ADH1B: variants seen among roughly 807,000 people sequenced by gnomAD.
ADH1B encodes the protein all-trans-retinol dehydrogenase [NAD(+)] ADH1B.
A neutral mutation model predicts 34.6 loss-of-function variants in ADH1B; 29 were observed. That is an observed-to-expected ratio of 0.84 (90% CI 0.62 to 1.14). The LOEUF (loss-of-function observed/expected upper bound fraction) is 1.14, where lower values mean the gene tolerates loss of function less well. Among genes scored for constraint, ADH1B ranks in the 50% most tolerant of loss-of-function variants. The pLI is 0.00. For missense variants in ADH1B, 424 were observed against 468.4 expected (o/e 0.91, Z 0.87); for synonymous variants, 170 against 175.5 (o/e 0.97, Z 0.25).
chr4:99,311,508 C>G lies in ADH1B; in HGVS notation c.964+13G>C. ...GATTAATGAGAATTTGGCACTTGAG[C>G]CCAACTACATACCACCATAAACAGC... On this transcript the variant is annotated intron_variant, in intron 7 of 8. Transcript: ENST00000305046. 6 of 1,610,378 alleles carry G rather than the reference C, an allele frequency of 3.7e-6. No homozygotes were observed. The highest frequency in any genetic ancestry group is 2.5e-6 in the Non-Finnish European group (3 of 1,178,196).
intron 1 of ADH1B, among the ~76,000 whole-genome samples, 187 bp downstream of exon 1, chr4:99,321,127 C>A (rs1734015309): frequency 6.6e-6 from 1 of 152,088 alleles, no homozygotes; most frequent in African/African-American, 2.4e-5. Flanking sequence ...GTTAAAGGTA[C>A]TTAAGAATAG....
intron 6 of ADH1B, 40 bp from the exon 7 acceptor site, chr4:99,311,696 C>T (rs536006663): frequency 2.2e-5 from 35 of 1,608,302 alleles, no homozygotes; most frequent in African/African-American, 1.9e-4. Flanking sequence ...AACGTGGAGT[C>T]GCATAGTTCC....
rs751116415 is a variant in ADH1B at position 99,315,894 on chromosome 4, T to A, written c.567+4A>T. On this transcript the variant is annotated splice_donor_region_variant and intron_variant, in intron 5 of 8. Transcript: ENST00000305046. The stretch of plus-strand genomic sequence containing the variant: ...GCAGTTTTATCACCCATTGTCATTC[T>A]CACCTTGGCAACGTTAACTGCAGAC... The A allele has an allele frequency of 2.8e-5, 45 of 1,614,042 alleles. 2 individuals carry two copies. In the South Asian group the frequency reaches 4.7e-4, roughly 17 times the overall value.
chr4:99,305,558 A>AGTGTGTGT lies in ADH1B; in HGVS notation c.*2281_*2282insACACACAC, dbSNP rs200643778. ...TAACTATATGAACCACTTGCCCCAT[A>AGTGTGTGT]GTGTATATATATATATATATATATA... On this transcript the variant is annotated 3_prime_UTR_variant, in exon 9 of 9. Coordinates refer to ENST00000305046, the MANE Select transcript of ADH1B (RefSeq NM_000668.6). 5.7e-5 allele frequency: 3 copies of AGTGTGTGT among 52,644 alleles called. No individual in the cohort carries two copies. Among genetic ancestry groups the AGTGTGTGT allele is most frequent in the African/African-American group, 2.1e-4 (2 of 9,338 alleles). The allele number at this position is 52,644 out of a possible 1,614,324, so 3.3% of individuals were successfully genotyped here.
chr4:99,317,193 A>G (rs1021370678), intron 3 of ADH1B: 1 of 152,174 alleles, frequency 6.6e-6, no homozygotes, highest in Non-Finnish European at 1.5e-5. Flanking sequence ...TTAAAATTAA[A>G]CATAATTTTT....
chr4:99,317,981 C>T, intron 3 of ADH1B, 65 bp downstream of exon 3: 2 of 1,597,038 alleles, frequency 1.3e-6, no homozygotes, highest in Non-Finnish European at 1.7e-6. Flanking sequence ...GCCTTGGTTT[C>T]CTTATCCAGG....
At position 99,316,095 on chromosome 4, in the gene ADH1B, G is replaced by A. The variant is rs758837020; in HGVS notation, c.370C>T (p.Leu124=). 1 of 1,614,136 alleles carries A rather than the reference G, an allele frequency of 6.2e-7. No homozygotes were observed. The highest frequency in any genetic ancestry group is 8.5e-7 in the Non-Finnish European group (1 of 1,180,020). Residue 124 remains leucine, a synonymous_variant, in exon 5 of 9, where the codon CTG becomes TTG. Coordinates refer to ENST00000305046, the MANE Select transcript of ADH1B (RefSeq NM_000668.6). Reference sequence around the variant, plus strand: ...GTGAACCTCCTGGTGCCATCCTGCAGGGTCCCCCGAGGATTGCCTAGACTG... The same window carrying A: ...GTGAACCTCCTGGTGCCATCCTGCAAGGTCCCCCGAGGATTGCCTAGACTG... ...KNDLGNPRGT[L]QDGTRRFTCR...
At chr4:99,312,679 G>A (rs536352165) in intron 6 of ADH1B, among the ~76,000 whole-genome samples, 83 of 152,300 alleles carry the variant, frequency 5.4e-4, no homozygotes, top group Non-Finnish European at 8.1e-4. Context: ...ATTGGAAATA[G>A]TATTTCATAT....
chr4:99,318,634 T>C, intron 2 of ADH1B, 151 bp downstream of exon 2: 1 of 760,504 alleles, frequency 1.3e-6, no homozygotes, highest in East Asian at 2.8e-5. Flanking sequence ...TTAAAATTTA[T>C]ATTTATACCT....
At chr4:99,315,741 C>G (rs1733864518) in intron 5 of ADH1B, 157 bp downstream of exon 5, 3 of 818,754 alleles carry the variant, frequency 3.7e-6, no homozygotes, top group Admixed American at 5.8e-5. Flanking sequence ...GGTGAAATTT[C>G]TAGCATGTGT....
chr4:99,310,330 C>G, intron 8 of ADH1B: 2 of 458,950 alleles, frequency 4.4e-6, no homozygotes, highest in South Asian at 1.6e-5. Context: ...TCCACCTACT[C>G]CTGTAATGAA....
rs1428140432 is a variant in ADH1B, at chr4:99,305,583, A to G, written c.*2257T>C. ...AGTGTATATATATATATATATATAT[A>G]TATATATATATATATATATATATAT... On this transcript the variant is annotated 3_prime_UTR_variant, in exon 9 of 9. Transcript: ENST00000305046. 1.4e-4 allele frequency: 13 copies of G among 93,616 alleles called. 1 individual carries two copies. Among genetic ancestry groups the G allele is most frequent in the African/African-American group, 4.6e-4 (11 of 23,662 alleles). The allele number at this position is 93,616 out of a possible 1,614,324, so 5.8% of individuals were successfully genotyped here.
In ADH1B at chr4:99,310,852, T is replaced by G; in HGVS notation, c.1016A>C (p.Lys339Thr). The G allele has an allele frequency of 1.2e-6, 2 of 1,613,646 alleles. No homozygotes were observed. The highest frequency in any genetic ancestry group is 8.5e-7 in the Non-Finnish European group (1 of 1,179,746). ...IPKLVADFMA[K>T]KFSLDALITH... ...TATTAACGCATCCAGTGAAAACTTCTTAGCCATAAAATCAGCCACAAGTTT... is the reference window on the plus strand; with the variant it reads ...TATTAACGCATCCAGTGAAAACTTCGTAGCCATAAAATCAGCCACAAGTTT... Residue 339 changes from lysine to threonine, a missense_variant, in exon 8 of 9, where the codon AAG becomes ACG. Transcript: ENST00000305046.
At chr4:99,312,767 C>T (rs372799378) in intron 6 of ADH1B, among the ~76,000 whole-genome samples, 30 of 152,118 alleles carry the variant, frequency 2.0e-4, no homozygotes, top group African/African-American at 6.3e-4. Context: ...GTAGGAGAAT[C>T]ACTTGAGCCC....
At position 99,307,755 on chromosome 4, in the gene ADH1B, TTAA is replaced by T; in HGVS notation, c.*82_*84del. On this transcript the variant is annotated 3_prime_UTR_variant, in exon 9 of 9. Transcript: ENST00000305046. The stretch of plus-strand genomic sequence containing the variant: ...TTGATAACATCTCTGAAGAGCTGAA[TTAA>T]TGATATTTCCTAGCTGTTGCTCCAG... The T allele has an allele frequency of 6.7e-7, 1 of 1,485,104 alleles. No individual in the cohort carries two copies. The highest frequency in any genetic ancestry group is 9.4e-7 in the Non-Finnish European group (1 of 1,065,124). The allele number at this position is 1,485,104 out of a possible 1,614,324, so 92.0% of individuals were successfully genotyped here. A position where few individuals can be genotyped will look rare whatever the true frequency, so the allele number is the denominator to read the frequency against.
intron 8 of ADH1B, among the ~76,000 whole-genome samples, chr4:99,309,536 T>C (rs1733695993): frequency 6.6e-6 from 1 of 152,170 alleles, no homozygotes; most frequent in South Asian, 2.1e-4. Context: ...ATCTCTATAT[T>C]TGCCATCATC....
chr4:99,320,749 G>A, intron 1 of ADH1B: 1 of 1,081,406 alleles, frequency 9.2e-7, no homozygotes, highest in Non-Finnish European at 1.1e-6. Flanking sequence ...GTATCATAAT[G>A]GACCCCTTTT....
intron 3 of ADH1B, 79 bp from the exon 4 acceptor site, chr4:99,316,381 T>G: frequency 7.3e-7 from 1 of 1,366,702 alleles, no homozygotes; most frequent in Non-Finnish European, 1.0e-6. Context: ...TCACATGTAT[T>G]GATTAGAAGC....
chr4:99,311,658 T>C lies in ADH1B; in HGVS notation c.829-2A>G, dbSNP rs1470272893. ...ATGACAACATAACAGGGAAGCCATCTGGAATAAAGTGAATATTTAGCATCC... is the reference window on the plus strand; with the variant it reads ...ATGACAACATAACAGGGAAGCCATCCGGAATAAAGTGAATATTTAGCATCC... On this transcript the variant is annotated splice_acceptor_variant, in intron 6 of 8. Coordinates refer to ENST00000305046, the MANE Select transcript of ADH1B (RefSeq NM_000668.6). LOFTEE classifies it high-confidence loss of function. The C allele has an allele frequency of 6.2e-7, 1 of 1,613,374 alleles. No homozygotes were observed. The highest frequency in any genetic ancestry group is 8.5e-7 in the Non-Finnish European group (1 of 1,179,760).
Sources: gnomAD v4.1 joint callset for allele counts (sites outside exome capture counted in the v4.1 genomes callset) on GRCh38, gnomAD v4.1.1 for gene constraint, MANE v1.5 for transcripts, NCBI Gene and HGNC (gene_info 2026-07-23, HGNC 2026-07-21) for gene names.